Variants in BCAT1 observed in about 807,000 individuals in gnomAD.
BCAT1 encodes branched-chain-amino-acid aminotransferase, cytosolic.
In BCAT1, 48 loss-of-function variants were observed where a neutral mutation model predicts 52.4. The ratio of observed to expected loss-of-function variants is 0.92; its 90% CI spans 0.73 to 1.16. The LOEUF is 1.16. Ranked by LOEUF, BCAT1 falls within the 50% of genes most tolerant of loss-of-function variation. The pLI is 0.00. For synonymous variants in BCAT1, 167 were observed against 161.3 expected, an observed-to-expected ratio of 1.04 and a Z score of -0.27; for missense variants, 451 against 457.1, an observed-to-expected ratio of 0.99 and a Z score of 0.12.
At chr12:24,914,294 G>A (rs894452964) in intron 1 of BCAT1, among the ~76,000 whole-genome samples, 7 of 151,962 alleles carry the variant, frequency 4.6e-5, no homozygotes, top group African/African-American at 1.7e-4. Context: ...TGTTGCTCTG[G>A]CTGGTCTCGA....
chr12:24,940,053 G>A (rs1055090709), intron 1 of BCAT1, among the ~76,000 whole-genome samples: 2 of 152,100 alleles, frequency 1.3e-5, no homozygotes, highest in African/African-American at 4.8e-5. Context: ...CTACCTGAGA[G>A]CTTACTGGTT....
chr12:24,856,806 G>T (rs1941699165), intron 5 of BCAT1, among the ~76,000 whole-genome samples: 1 of 152,180 alleles, frequency 6.6e-6, no homozygotes, highest in African/African-American at 2.4e-5. Flanking sequence ...CTTCAAGCTG[G>T]CCCGCAAACT....
At chr12:24,895,788 C>T (rs906855199) in intron 2 of BCAT1, among the ~76,000 whole-genome samples, 3 of 152,178 alleles carry the variant, frequency 2.0e-5, no homozygotes, top group South Asian at 2.1e-4. Context: ...CTTGCAGCTA[C>T]GTGAGTCATT....
chr12:24,857,409 T>G (rs1017516986), intron 5 of BCAT1, among the ~76,000 whole-genome samples: 1 of 152,236 alleles, frequency 6.6e-6, no homozygotes, highest in African/African-American at 2.4e-5. Flanking sequence ...ATTAGCTGTT[T>G]GTCCTGGCTA....
At chr12:24,890,117 T>C (rs935125411) in intron 3 of BCAT1, among the ~76,000 whole-genome samples, 3 of 152,198 alleles carry the variant, frequency 2.0e-5, no homozygotes, top group African/African-American at 7.2e-5. Flanking sequence ...CTGAGTTTTG[T>C]GAGCTGCTCC....
chr12:24,881,462 C>G, intron 3 of BCAT1, 51 bp from the exon 4 acceptor site: 1 of 1,254,256 alleles, frequency 8.0e-7, no homozygotes, highest in East Asian at 2.3e-5. Context: ...GAAAACAACC[C>G]GTGTTCAAGA....
intron 6 of BCAT1, among the ~76,000 whole-genome samples, chr12:24,846,588 A>T (rs747389217): frequency 6.6e-6 from 1 of 152,234 alleles, no homozygotes; most frequent in Non-Finnish European, 1.5e-5. Flanking sequence ...AGATAAAGAG[A>T]GTCCAGGAAA....
intron 1 of BCAT1, among the ~76,000 whole-genome samples, chr12:24,909,258 T>C (rs561405275): frequency 2.2e-4 from 34 of 152,300 alleles, no homozygotes; most frequent in African/African-American, 6.7e-4. Flanking sequence ...CTGGTTGGTA[T>C]TGGGAAGACA....
At chr12:24,836,846 GAGAA>G (rs1399605601) in intron 7 of BCAT1, among the ~76,000 whole-genome samples, 1 of 83,680 alleles carries the variant, frequency 1.2e-5, no homozygotes, top group Non-Finnish European at 2.7e-5. Flanking sequence ...AGGAGAGAGA[GAGAA>G]AGAAAGGAAG....
chr12:24,938,924 G>T lies in BCAT1; in HGVS notation c.6+10003C>A, dbSNP rs1164075218. On this transcript the variant is annotated intron_variant, in intron 1 of 10. Coordinates refer to ENST00000261192, the MANE Select transcript of BCAT1 (RefSeq NM_005504.7). ...GAGTCTCGCTCTGTCACCCAGGCTG[G>T]AGTACAGTGGTGCAATCTCAGCTCA... Among the ~76,000 whole-genome samples, 6 of 151,932 alleles carry T rather than the reference G, an allele frequency of 3.9e-5. No individual in the cohort carries two copies. The East Asian group carries it at 1.2e-3, about 29-fold the overall frequency.
At chr12:24,871,217 G>A (rs1392196) in intron 5 of BCAT1, among the ~76,000 whole-genome samples, 80,097 of 151,920 alleles carry the variant, frequency 0.53, 22,043 homozygotes, top group East Asian at 0.77. Flanking sequence ...AGATGGGCCT[G>A]GGCCTTTTGC....
At chr12:24,918,335 C>T (rs973938737) in intron 1 of BCAT1, among the ~76,000 whole-genome samples, 6 of 152,164 alleles carry the variant, frequency 3.9e-5, no homozygotes, top group Non-Finnish European at 7.4e-5. Context: ...GCAAGGTAAC[C>T]GGCCAGTGCT....
chr12:24,902,576 C>T, intron 1 of BCAT1: 1 of 453,794 alleles, frequency 2.2e-6, no homozygotes, highest in Non-Finnish European at 3.3e-6. Flanking sequence ...TTTGGGGTGG[C>T]AGAGTCACGT....
At chr12:24,909,312 C>T (rs911238158) in intron 1 of BCAT1, among the ~76,000 whole-genome samples, 2 of 152,166 alleles carry the variant, frequency 1.3e-5, no homozygotes, top group African/African-American at 4.8e-5. Context: ...CCTCCCCTTA[C>T]TCCTGCCATG....
intron 8 of BCAT1, chr12:24,833,816 C>CTTTTT: frequency 7.5e-6 from 1 of 133,808 alleles, no homozygotes; most frequent in South Asian, 2.4e-4. Context: ...CTACGTTTGT[C>CTTTTT]TCTTTCTTTT....
At chr12:24,930,525 C>A (rs755772077) in intron 1 of BCAT1, among the ~76,000 whole-genome samples, 3 of 152,208 alleles carry the variant, frequency 2.0e-5, no homozygotes, top group African/African-American at 4.8e-5. Flanking sequence ...GTTCCGTACA[C>A]CAGTGGCACA....
chr12:24,836,945 AGAAAGAAAGAAAAGAGAAAG>A (rs1565454714), intron 7 of BCAT1, among the ~76,000 whole-genome samples: 2 of 124,400 alleles, frequency 1.6e-5, no homozygotes, highest in Non-Finnish European at 1.8e-5. Context: ...AAAGAAAGAA[AGAAAGAAAGAAAAGAGAAAG>A]AAAGAAAGAG....
At chr12:24,867,602 T>C (rs1337103750) in intron 5 of BCAT1, among the ~76,000 whole-genome samples, 1 of 152,200 alleles carries the variant, frequency 6.6e-6, no homozygotes, top group Non-Finnish European at 1.5e-5. Flanking sequence ...TGGCATGTAT[T>C]TGATGTTAGT....
At chr12:24,870,146 C>G (rs113181568) in intron 5 of BCAT1, among the ~76,000 whole-genome samples, 2 of 151,892 alleles carry the variant, frequency 1.3e-5, no homozygotes, top group Admixed American at 6.6e-5. Context: ...CTATTGTATA[C>G]CTTTGGTTCT....
Sources: allele counts gnomAD v4.1 joint callset (sites outside exome capture counted in the v4.1 genomes callset), GRCh38; gene constraint gnomAD v4.1.1; transcripts MANE v1.5; gene names NCBI Gene and HGNC (gene_info 2026-07-23, HGNC 2026-07-21).